Variants in DRC11 observed in about 807,000 individuals in gnomAD.
DRC11 encodes the protein dynein regulatory complex subunit 11.
the DRC11 span, among the ~76,000 whole-genome samples, chr2:236,335,592 CA>C: frequency 1.3e-5 from 2 of 152,156 alleles, no homozygotes; most frequent in Non-Finnish European, 2.9e-5. This position sits in a 1 kb window ranked among gnomAD's most constrained non-coding sequence, Gnocchi z 5.6. Flanking sequence ...ATCAAAAGAA[CA>C]AAATTGCTGA....
At chr2:236,376,543 C>T in the DRC11 span, among the ~76,000 whole-genome samples, 3 of 152,178 alleles carry the variant, frequency 2.0e-5, no homozygotes, top group Admixed American at 2.0e-4. The surrounding 1 kb of genome is among the most constrained non-coding windows in gnomAD (Gnocchi z 5.7). Context: ...CTAATAACTG[C>T]ATTACGGTAG....
At chr2:236,440,705 A>C in the DRC11 span, among the ~76,000 whole-genome samples, 1 of 152,152 alleles carries the variant, frequency 6.6e-6, no homozygotes, top group Non-Finnish European at 1.5e-5. Flanking sequence ...TGCTGGAGCC[A>C]AGGGCCTGCT....
the DRC11 span, among the ~76,000 whole-genome samples, chr2:236,458,892 A>C: frequency 6.6e-5 from 10 of 152,096 alleles, no homozygotes; most frequent in Non-Finnish European, 1.0e-4. Flanking sequence ...TAAAAATACA[A>C]AAATTAGCTG....
the DRC11 span, among the ~76,000 whole-genome samples, chr2:236,358,465 T>TAGTATATA: frequency 7.1e-6 from 1 of 141,734 alleles, no homozygotes; most frequent in Admixed American, 7.1e-5. Flanking sequence ...AGTATAAATA[T>TAGTATATA]TTGATAAATA....
chr2:236,476,747 T>G, the DRC11 span, among the ~76,000 whole-genome samples: 1 of 152,050 alleles, frequency 6.6e-6, no homozygotes. The surrounding 1 kb of genome is among the most constrained non-coding windows in gnomAD (Gnocchi z 4.7). Flanking sequence ...ATTGTATTTT[T>G]TTTAAATTGT....
At chr2:236,461,109 T>A in the DRC11 span, among the ~76,000 whole-genome samples, 1 of 152,350 alleles carries the variant, frequency 6.6e-6, no homozygotes, top group East Asian at 1.9e-4. The surrounding 1 kb of genome is among the most constrained non-coding windows in gnomAD (Gnocchi z 4.0). Flanking sequence ...ACAATACATA[T>A]ATTTTAGCAT....
chr2:236,486,243 C>T, the DRC11 span, among the ~76,000 whole-genome samples: 5 of 152,186 alleles, frequency 3.3e-5, no homozygotes, highest in African/African-American at 9.7e-5. This position sits in a 1 kb window ranked among gnomAD's most constrained non-coding sequence, Gnocchi z 5.7. Context: ...CAGGCCCTTC[C>T]GCAGTTGATC....
chr2:236,439,265 T>G, the DRC11 span, among the ~76,000 whole-genome samples: 1 of 152,166 alleles, frequency 6.6e-6, no homozygotes, highest in South Asian at 2.1e-4. Context: ...CTTCAAAACA[T>G]TAATGAATCC....
the DRC11 span, chr2:236,488,282 T>C: frequency 6.2e-6 from 6 of 961,346 alleles, no homozygotes; most frequent in Non-Finnish European, 3.0e-6. Context: ...TCAAACACAA[T>C]CCTGCTAAGG....
At chr2:236,503,449 C>G in the DRC11 span, among the ~76,000 whole-genome samples, 1 of 152,160 alleles carries the variant, frequency 6.6e-6, no homozygotes, top group African/African-American at 2.4e-5. This position sits in a 1 kb window ranked among gnomAD's most constrained non-coding sequence, Gnocchi z 4.9. Flanking sequence ...CGGAGCTGAC[C>G]CATAACTGGA....
chr2:236,439,021 G>A, the DRC11 span, among the ~76,000 whole-genome samples: 7 of 149,652 alleles, frequency 4.7e-5, no homozygotes, highest in Non-Finnish European at 8.9e-5. Flanking sequence ...TGAAACCAAC[G>A]AGAACAAAGA....
At chr2:236,405,376 T>C in the DRC11 span, among the ~76,000 whole-genome samples, 1 of 151,808 alleles carries the variant, frequency 6.6e-6, no homozygotes, top group South Asian at 2.1e-4. The surrounding 1 kb of genome is among the most constrained non-coding windows in gnomAD (Gnocchi z 4.6). Context: ...TGATCTGTGG[T>C]TTGTTGCATC....
chr2:236,425,491 T>G, the DRC11 span, among the ~76,000 whole-genome samples: 2 of 152,072 alleles, frequency 1.3e-5, no homozygotes, highest in East Asian at 3.8e-4. Context: ...TAAATTAGGT[T>G]GTTTTCTTGC....
At chr2:236,311,974 C>T in the DRC11 span, among the ~76,000 whole-genome samples, 3 of 152,228 alleles carry the variant, frequency 2.0e-5, no homozygotes, top group Non-Finnish European at 4.4e-5. The surrounding 1 kb of genome is among the most constrained non-coding windows in gnomAD (Gnocchi z 6.9). Context: ...TGTCCCTTCA[C>T]TTTCCAGGCC....
the DRC11 span, among the ~76,000 whole-genome samples, chr2:236,435,216 T>C: frequency 6.6e-6 from 1 of 152,254 alleles, no homozygotes; most frequent in South Asian, 2.1e-4. Context: ...TGCAGAGAAC[T>C]TCATGTTACT....
chr2:236,455,937 C>T, the DRC11 span, among the ~76,000 whole-genome samples: 1 of 151,924 alleles, frequency 6.6e-6, no homozygotes, highest in Admixed American at 6.6e-5. The surrounding 1 kb of genome is among the most constrained non-coding windows in gnomAD (Gnocchi z 5.7). Flanking sequence ...CAGCTGCATG[C>T]CCACCCCCAC....
chr2:236,368,751 T>C, the DRC11 span: 1 of 156,902 alleles, frequency 6.4e-6, no homozygotes, highest in African/African-American at 2.4e-5. Flanking sequence ...TGGAGCAGTG[T>C]AAATCTGAGT....
chr2:236,487,588 C>T, the DRC11 span, among the ~76,000 whole-genome samples: 1 of 152,228 alleles, frequency 6.6e-6, no homozygotes, highest in African/African-American at 2.4e-5. Flanking sequence ...AGAAGGGACA[C>T]TGATGTGCTG....
the DRC11 span, among the ~76,000 whole-genome samples, chr2:236,414,876 A>G: frequency 2.0e-5 from 3 of 152,184 alleles, no homozygotes; most frequent in African/African-American, 7.2e-5. Flanking sequence ...ACAATTACAG[A>G]GATCCACCAT....
Sources: gnomAD v4.1 joint callset for allele counts (sites outside exome capture counted in the v4.1 genomes callset) on GRCh38, gnomAD v4.1.1 for gene constraint, Gnocchi (gnomAD v3.1) non-coding constraint, MANE v1.5 for transcripts, NCBI Gene and HGNC (gene_info 2026-07-23, HGNC 2026-07-21) for gene names.